MEIS1: variants seen among roughly 807,000 people sequenced by gnomAD.
MEIS1 encodes the protein homeobox protein Meis1.
A neutral mutation model predicts 50.8 loss-of-function variants in MEIS1; 5 were observed. That is an observed-to-expected ratio of 0.10 (90% CI 0.05 to 0.21). The LOEUF is 0.21. MEIS1 is among the 10% of genes least tolerant of loss of function. MEIS1 has a pLI of 1.00. For synonymous variants in MEIS1, 176 were observed against 179.3 expected (o/e 0.98, Z 0.15); for missense variants, 318 against 517.3 (o/e 0.61, Z 3.74).
At chr2:66,437,638 A>T in intron 1 of MEIS1, 99 bp from the exon 2 acceptor site, 1 of 1,017,742 alleles carries the variant, frequency 9.8e-7, no homozygotes. Flanking sequence ...GGGTGGAAGG[A>T]CCCAGCTGTA....
At chr2:66,522,113 G>T (rs770335000) in intron 8 of MEIS1, among the ~76,000 whole-genome samples, 1 of 152,206 alleles carries the variant, frequency 6.6e-6, no homozygotes, top group East Asian at 1.9e-4. Flanking sequence ...TGATCTTTCC[G>T]TTGGAGAAAT....
chr2:66,512,004 AC>A, intron 7 of MEIS1, 144 bp from the exon 8 acceptor site: 1 of 998,560 alleles, frequency 1.0e-6, no homozygotes, highest in East Asian at 3.1e-5. Context: ...GTCTTGGAAA[AC>A]AAAACACAAC....
intron 7 of MEIS1, among the ~76,000 whole-genome samples, chr2:66,466,524 T>C (rs1041210683): frequency 1.3e-5 from 2 of 152,232 alleles, no homozygotes; most frequent in Non-Finnish European, 2.9e-5. Flanking sequence ...TAAACCTTTT[T>C]TTCATCCCTG....
rs567861807 is a variant in MEIS1, at chr2:66,440,711, C to T, written c.432+99C>T. ...TTTGAGAGCCCTGAGATTTCTAGACCGGTCTTCCCGTGCCTGCAGGTTGGC... is the reference window on the plus strand; with the variant it reads ...TTTGAGAGCCCTGAGATTTCTAGACTGGTCTTCCCGTGCCTGCAGGTTGGC... On this transcript the variant is annotated intron_variant, in intron 4 of 12. Transcript: ENST00000272369. The T allele has an allele frequency of 3.1e-5, 25 of 797,606 alleles. No individual in the cohort carries two copies. In the Admixed American group the frequency reaches 4.4e-4, roughly 14 times the overall value. The allele number at this position is 797,606 out of a possible 1,614,324, so 49.4% of individuals were successfully genotyped here.
At chr2:66,456,061 T>C (rs1039213259) in intron 6 of MEIS1, among the ~76,000 whole-genome samples, 1 of 152,166 alleles carries the variant, frequency 6.6e-6, no homozygotes, top group Non-Finnish European at 1.5e-5. Context: ...AAAAATTCTT[T>C]TCCTCCTCTC....
At position 66,502,028 on chromosome 2, in the gene MEIS1, G is replaced by A. The variant is rs186310807; in HGVS notation, c.743-10121G>A. Among the ~76,000 whole-genome samples the A allele has an allele frequency of 2.9e-3, 441 of 152,290 alleles. 3 individuals carry two copies. Among genetic ancestry groups the A allele is most frequent in the South Asian group, 0.01 (50 of 4,826 alleles). On this transcript the variant is annotated intron_variant, in intron 7 of 12. Transcript: ENST00000272369. Reference sequence around the variant, plus strand: ...AATTGAATGAATTATTTATAGTAAAGAAGTTATTCCACATTTATTTCAACA... The same window carrying A: ...AATTGAATGAATTATTTATAGTAAAAAAGTTATTCCACATTTATTTCAACA...
chr2:66,503,357 T>C (rs1673602625), intron 7 of MEIS1, among the ~76,000 whole-genome samples: 1 of 152,176 alleles, frequency 6.6e-6, no homozygotes. Context: ...CCTTGGTATA[T>C]GCTGTTCCTT....
chr2:66,568,516 GAGAGA>G, intron 10 of MEIS1, 146 bp from the exon 11 acceptor site: 1 of 562,344 alleles, frequency 1.8e-6, no homozygotes, highest in South Asian at 2.0e-5. Flanking sequence ...GATCTAGTCT[GAGAGA>G]AATTTCACTT....
At chr2:66,563,288 A>T (rs1372551843) in intron 9 of MEIS1, among the ~76,000 whole-genome samples, 1 of 152,168 alleles carries the variant, frequency 6.6e-6, no homozygotes, top group East Asian at 1.9e-4. Context: ...CTGTTGGAGA[A>T]TGTATTTTTT....
chr2:66,435,740 G>A lies in MEIS1; in HGVS notation c.-117G>A. 2 of 812,976 alleles carry A rather than the reference G, an allele frequency of 2.5e-6. No individual in the cohort carries two copies. Among genetic ancestry groups the A allele is most frequent in the South Asian group, 1.9e-5 (1 of 51,398 alleles). The allele number at this position is 812,976 out of a possible 1,614,324, so 50.4% of individuals were successfully genotyped here. On this transcript the variant is annotated 5_prime_UTR_variant, in exon 1 of 13. It adds an upstream start codon to the 5' untranslated region. Coordinates refer to ENST00000272369, the MANE Select transcript of MEIS1 (RefSeq NM_002398.3). Reference sequence around the variant, plus strand: ...TGGAGACGTTAAGGGATTTTTCGTCGTGCTTTTTTTTTTTTTTTTTTTTTT... The same window carrying A: ...TGGAGACGTTAAGGGATTTTTCGTCATGCTTTTTTTTTTTTTTTTTTTTTT...
At chr2:66,440,833 G>A (rs1010681931) in intron 4 of MEIS1, 2 of 569,676 alleles carry the variant, frequency 3.5e-6, no homozygotes, top group Middle Eastern at 4.6e-4. Context: ...GCGGGGAAAC[G>A]CGAGCTTTTG....
chr2:66,509,068 G>C (rs758096204), intron 7 of MEIS1: 37 of 471,576 alleles, frequency 7.8e-5, no homozygotes, highest in South Asian at 3.7e-4. Flanking sequence ...AGAAATTCTC[G>C]AGAGACCACA....
At chr2:66,463,310 C>T (rs1015102236) in intron 6 of MEIS1, among the ~76,000 whole-genome samples, 1 of 151,984 alleles carries the variant, frequency 6.6e-6, no homozygotes, top group African/African-American at 2.4e-5. Flanking sequence ...TGACCAGTGA[C>T]TCATGAGGCT....
chr2:66,554,556 A>G (rs1212513581), intron 9 of MEIS1, among the ~76,000 whole-genome samples: 2 of 152,202 alleles, frequency 1.3e-5, no homozygotes, highest in African/African-American at 4.8e-5. Flanking sequence ...ATGCAGGGAC[A>G]GGTCGCTGCA....
At chr2:66,555,949 G>A (rs1675052559) in intron 9 of MEIS1, among the ~76,000 whole-genome samples, 1 of 152,138 alleles carries the variant, frequency 6.6e-6, no homozygotes, top group Non-Finnish European at 1.5e-5. Flanking sequence ...TCTTAGATCC[G>A]GTCTGCATTG....
intron 8 of MEIS1, among the ~76,000 whole-genome samples, chr2:66,538,381 C>G (rs1290422906): frequency 6.6e-6 from 1 of 152,118 alleles, no homozygotes; most frequent in African/African-American, 2.4e-5. Flanking sequence ...GCTCTGAGAA[C>G]GCTGCCCAAC....
chr2:66,558,045 C>T (rs1488153446), intron 9 of MEIS1, among the ~76,000 whole-genome samples: 10 of 151,744 alleles, frequency 6.6e-5, no homozygotes, highest in East Asian at 5.8e-4. Context: ...TTTGGGAGGC[C>T]GAGGGAGGCG....
At position 66,512,134 on chromosome 2, in the gene MEIS1, T is replaced by A; in HGVS notation, c.743-15T>A. ...AAGGTAGCATCAGTCAAAATTTGAT[T>A]CGCTATGTTTGCAGGTGATGGCTTG... On this transcript the variant is annotated splice_polypyrimidine_tract_variant and intron_variant, in intron 7 of 12. Transcript: ENST00000272369. 4 of 1,540,678 alleles carry A rather than the reference T, an allele frequency of 2.6e-6. No individual in the cohort carries two copies. The highest frequency in any genetic ancestry group is 3.5e-6 in the Non-Finnish European group (4 of 1,140,590).
intron 8 of MEIS1, among the ~76,000 whole-genome samples, chr2:66,523,062 G>T (rs927216498): frequency 2.0e-5 from 3 of 152,192 alleles, no homozygotes; most frequent in African/African-American, 7.2e-5. Flanking sequence ...ACAGAAACAG[G>T]TGTGAGCAGT....
Sources: allele counts gnomAD v4.1 joint callset (sites outside exome capture counted in the v4.1 genomes callset), GRCh38; gene constraint gnomAD v4.1.1; transcripts MANE v1.5; gene names NCBI Gene and HGNC (gene_info 2026-07-23, HGNC 2026-07-21).